The following SNRPC variants were observed in gnomAD, a reference collection of about 807,000 sequenced individuals.
The protein encoded by SNRPC is small nuclear ribonucleoprotein polypeptide C.
SNRPC carries 5 observed loss-of-function variants against 20.0 expected under a neutral mutation model. The observed-to-expected ratio is 0.25, with a 90% CI of 0.13 to 0.53. The LOEUF is 0.53. Among genes scored for constraint, SNRPC ranks in the 20% least tolerant of loss-of-function variants. The pLI is 0.96. For synonymous variants in SNRPC, 61 were observed against 58.7 expected, an observed-to-expected ratio of 1.04 and a Z score of -0.18; for missense variants, 112 against 224.1, an observed-to-expected ratio of 0.50 and a Z score of 3.19.
At chr6:34,768,615 G>A (rs1039034367) in intron 4 of SNRPC, among the ~76,000 whole-genome samples, 1 of 152,032 alleles carries the variant, frequency 6.6e-6, no homozygotes, top group Non-Finnish European at 1.5e-5. Context: ...AGCCAGGCAT[G>A]GTGGTGCACG....
At position 34,763,757 on chromosome 6, in the gene SNRPC, G is replaced by A. The variant is rs184463889; in HGVS notation, c.160+1054G>A. Among the ~76,000 whole-genome samples the A allele has an allele frequency of 1.5e-3, 227 of 148,522 alleles. 1 individual carries two copies. Among genetic ancestry groups the A allele is most frequent in the African/African-American group, 5.4e-3 (218 of 40,520 alleles). Reference sequence around the variant, plus strand: ...TTATTTGAGACAGTCTCACTCTGTCGCCAGGCTGGAGTGCAGTGGTGTGAT... The same window carrying A: ...TTATTTGAGACAGTCTCACTCTGTCACCAGGCTGGAGTGCAGTGGTGTGAT... On this transcript the variant is annotated intron_variant, in intron 3 of 5. Transcript: ENST00000244520.
intron 5 of SNRPC, among the ~76,000 whole-genome samples, chr6:34,770,898 A>C (rs1764676729): frequency 6.6e-6 from 1 of 152,252 alleles, no homozygotes; most frequent in Non-Finnish European, 1.5e-5. Flanking sequence ...TATATTAAAA[A>C]GGCTTTCAGC....
intron 2 of SNRPC, among the ~76,000 whole-genome samples, chr6:34,762,067 G>A (rs1004970488): frequency 3.9e-5 from 6 of 152,108 alleles, no homozygotes; most frequent in Admixed American, 1.3e-4. Flanking sequence ...ACTTTGGGAG[G>A]CCAAGATGAG....
chr6:34,768,031 C>T (rs370258838), intron 4 of SNRPC, 34 bp downstream of exon 4: 65 of 1,583,550 alleles, frequency 4.1e-5, no homozygotes, highest in Admixed American at 5.5e-5. Context: ...AGGGGTGTGA[C>T]GGGGCAGGCT....
chr6:34,766,210 A>AT (rs1443209831), intron 3 of SNRPC, among the ~76,000 whole-genome samples: 6 of 151,956 alleles, frequency 3.9e-5, no homozygotes, highest in African/African-American at 1.4e-4. Context: ...TTAAATTTTA[A>AT]TTTTTTTAGA....
At chr6:34,764,493 A>C (rs956289878) in intron 3 of SNRPC, among the ~76,000 whole-genome samples, 16 of 150,666 alleles carry the variant, frequency 1.1e-4, no homozygotes, top group Non-Finnish European at 2.1e-4. Flanking sequence ...AAACAAAAAA[A>C]AACAACAAAA....
intron 2 of SNRPC, among the ~76,000 whole-genome samples, chr6:34,760,111 C>CTTTTT (rs201265600): frequency 2.4e-5 from 3 of 123,408 alleles, no homozygotes; most frequent in Non-Finnish European, 5.0e-5. Flanking sequence ...TGTATATTAT[C>CTTTTT]TTTTTTTTTT....
Position 34,757,896 on chromosome 6 carries a change from T to A in SNRPC, c.9-16T>A. The A allele has an allele frequency of 6.2e-7, 1 of 1,613,740 alleles. No individual in the cohort carries two copies. Among genetic ancestry groups the A allele is most frequent in the Admixed American group, 1.7e-5 (1 of 60,006 alleles). On this transcript the variant is annotated splice_polypyrimidine_tract_variant and intron_variant, in intron 1 of 5. Transcript: ENST00000244520. ...AGTGGTTGTCGTCTTTTTCTCTTCCTTTCACCTCTTTTCAGGTTTTATTGT... is the reference window on the plus strand; with the variant it reads ...AGTGGTTGTCGTCTTTTTCTCTTCCATTCACCTCTTTTCAGGTTTTATTGT...
rs78115979 is a variant in SNRPC, at chr6:34,766,573, G to T, written c.161-1335G>T. On this transcript the variant is annotated intron_variant, in intron 3 of 5. Coordinates refer to ENST00000244520, the MANE Select transcript of SNRPC (RefSeq NM_003093.3). ...TTAGTGGAGGACTTTTTGAGAATGG[G>T]GGGGAGCCCCTCAGGGACACACCTA... Among the ~76,000 whole-genome samples the T allele has an allele frequency of 7.4e-3, 1,123 of 152,290 alleles. 21 individuals carry two copies. The highest frequency in any genetic ancestry group is 0.026 in the African/African-American group (1,064 of 41,556).
intron 2 of SNRPC, among the ~76,000 whole-genome samples, chr6:34,759,214 A>T (rs1441974342): frequency 6.6e-6 from 1 of 152,198 alleles, no homozygotes; most frequent in African/African-American, 2.4e-5. Flanking sequence ...CCTTGAAGTG[A>T]CAGGCTCACT....
chr6:34,773,546 C>T lies in SNRPC; in HGVS notation c.456C>T (p.Pro152=), dbSNP rs1322852307. Residue 152 remains proline, a synonymous_variant, in exon 6 of 6, where the codon CCC becomes CCT. Transcript: ENST00000244520. This position sits in a 1 kb window ranked among gnomAD's most constrained non-coding sequence, Gnocchi z 4.1. ...GTCCCATGATGGTGCCCACTCGGCC[C>T]GGAATGACTCGACCAGACAGATAAG... ...PARPMMVPTR[P]GMTRPDR is the part of the protein sequence containing the mutation. The T allele has an allele frequency of 3.5e-5, 57 of 1,613,784 alleles. No homozygotes were observed. Among genetic ancestry groups the T allele is most frequent in the Middle Eastern group, 1.7e-4 (1 of 6,060 alleles).
intron 3 of SNRPC, among the ~76,000 whole-genome samples, chr6:34,767,268 G>A (rs1184926709): frequency 6.6e-6 from 1 of 152,158 alleles, no homozygotes; most frequent in African/African-American, 2.4e-5. Flanking sequence ...ACTATGAATG[G>A]CTTGAATTGG....
At chr6:34,772,025 C>G (rs1413962302) in intron 5 of SNRPC, among the ~76,000 whole-genome samples, 2 of 152,056 alleles carry the variant, frequency 1.3e-5, no homozygotes, top group Non-Finnish European at 2.9e-5. Context: ...CCTGAGTTTG[C>G]TTTTTGTTTT....
chr6:34,773,436 T>C lies in SNRPC; in HGVS notation c.356-10T>C, dbSNP rs1764713655. Reference sequence around the variant, plus strand: ...CCCTTTTTCTCCCTCTTCTTTGTTTTGTCCTGCAGCTCCTGGAATGAGGCC... The same window carrying C: ...CCCTTTTTCTCCCTCTTCTTTGTTTCGTCCTGCAGCTCCTGGAATGAGGCC... On this transcript the variant is annotated splice_polypyrimidine_tract_variant and intron_variant, in intron 5 of 5. Coordinates refer to ENST00000244520, the MANE Select transcript of SNRPC (RefSeq NM_003093.3). This position sits in a 1 kb window ranked among gnomAD's most constrained non-coding sequence, Gnocchi z 4.1. 1.2e-6 allele frequency: 2 copies of C among 1,612,946 alleles called. No individual in the cohort carries two copies. Among genetic ancestry groups the C allele is most frequent in the African/African-American group, 1.3e-5 (1 of 74,744 alleles).
intron 3 of SNRPC, 152 bp from the exon 4 acceptor site, chr6:34,767,756 C>G (rs1764631409): frequency 1.3e-6 from 1 of 743,148 alleles, no homozygotes. Flanking sequence ...GATTTTAAAA[C>G]TGTAGAACCA....
intron 4 of SNRPC, among the ~76,000 whole-genome samples, chr6:34,768,897 G>A (rs1243569647): frequency 3.9e-5 from 6 of 152,256 alleles, no homozygotes; most frequent in South Asian, 2.1e-4. Context: ...GTACTGGGTC[G>A]TACTGTACTG....
rs150596997 is a variant in SNRPC, at chr6:34,768,371, G to A, written c.250+374G>A. Reference sequence around the variant, plus strand: ...TAAATTATTTACTGCTATGAGCCCAGCACTGGAGGATTAAAATAGCTGATA... The same window carrying A: ...TAAATTATTTACTGCTATGAGCCCAACACTGGAGGATTAAAATAGCTGATA... On this transcript the variant is annotated intron_variant, in intron 4 of 5. Transcript: ENST00000244520. 1.3e-3 allele frequency among the ~76,000 whole-genome samples: 203 copies of A among 152,196 alleles called. 1 individual carries two copies. The Middle Eastern group carries it at 0.02, about 15-fold the overall frequency.
At chr6:34,768,880 G>T (rs975290074) in intron 4 of SNRPC, among the ~76,000 whole-genome samples, 3 of 152,062 alleles carry the variant, frequency 2.0e-5, no homozygotes, top group Admixed American at 6.6e-5. Context: ...AGAGGAGACT[G>T]AGTGCTGTAC....
Position 34,759,080 on chromosome 6 carries a change from T to C in SNRPC, c.51+1126T>C, listed in dbSNP as rs373745124. Among the ~76,000 whole-genome samples, 6 of 150,410 alleles carry C rather than the reference T, an allele frequency of 4.0e-5. No homozygotes were observed. In the South Asian group the frequency reaches 1.1e-3, roughly 27 times the overall value. On this transcript the variant is annotated intron_variant, in intron 2 of 5. Coordinates refer to ENST00000244520, the MANE Select transcript of SNRPC (RefSeq NM_003093.3). ...ACCCACGTTAATTAATGTCACAATCTAATCAGAACCACCTTTAAGTATTGG... is the reference window on the plus strand; with the variant it reads ...ACCCACGTTAATTAATGTCACAATCCAATCAGAACCACCTTTAAGTATTGG...
Sources: allele counts gnomAD v4.1 joint callset (sites outside exome capture counted in the v4.1 genomes callset), GRCh38; gene constraint gnomAD v4.1.1; non-coding constraint Gnocchi (gnomAD v3.1); transcripts MANE v1.5; gene names NCBI Gene and HGNC (gene_info 2026-07-23, HGNC 2026-07-21).